Variants in SMIM31 observed in about 807,000 individuals in gnomAD.
SMIM31 encodes small integral membrane protein 31.
At chr4:164,793,152 C>T (rs1299659209) in intron 2 of SMIM31, among the ~76,000 whole-genome samples, 1 of 152,102 alleles carries the variant, frequency 6.6e-6, no homozygotes, top group Non-Finnish European at 1.5e-5. Context: ...TAAGCTGAAG[C>T]TAAATATTGG....
intron 1 of SMIM31, among the ~76,000 whole-genome samples, chr4:164,760,865 T>C (rs1318287320): frequency 2.0e-5 from 3 of 151,300 alleles, no homozygotes; most frequent in African/African-American, 7.3e-5. Context: ...ACTAGAAACA[T>C]GGAGCTACTG....
At chr4:164,766,891 C>T (rs1205143543) in intron 1 of SMIM31, among the ~76,000 whole-genome samples, 1 of 152,040 alleles carries the variant, frequency 6.6e-6, no homozygotes, top group African/African-American at 2.4e-5. Context: ...CAAGAAATGC[C>T]TCTGTGGGGA....
intron 2 of SMIM31, among the ~76,000 whole-genome samples, chr4:164,786,210 T>C (rs1381223403): frequency 6.6e-6 from 1 of 152,364 alleles, no homozygotes; most frequent in Middle Eastern, 3.4e-3. Flanking sequence ...ATGTTTGTTA[T>C]ACTATTTGCT....
intron 2 of SMIM31, among the ~76,000 whole-genome samples, chr4:164,781,257 A>G (rs1320256189): frequency 1.3e-5 from 2 of 152,158 alleles, no homozygotes; most frequent in Non-Finnish European, 2.9e-5. Flanking sequence ...GCAGTTTGGA[A>G]TTTCTTACAA....
chr4:164,783,660 T>C (rs1206404000), intron 2 of SMIM31, among the ~76,000 whole-genome samples: 3 of 152,142 alleles, frequency 2.0e-5, no homozygotes, highest in South Asian at 4.2e-4. Flanking sequence ...ATCATGCCTG[T>C]AATCCCAGCT....
intron 2 of SMIM31, among the ~76,000 whole-genome samples, chr4:164,780,385 C>T (rs1272594685): frequency 1.3e-5 from 2 of 152,220 alleles, no homozygotes; most frequent in African/African-American, 4.8e-5. Context: ...CGAGATTGCG[C>T]CACTGCACTC....
chr4:164,773,453 G>A (rs181501550), intron 2 of SMIM31, among the ~76,000 whole-genome samples: 458 of 152,268 alleles, frequency 3.0e-3, no homozygotes, highest in African/African-American at 0.01. Context: ...ACTTACAATC[G>A]TGGTGGAAGG....
chr4:164,796,785 G>A (rs1733203167), intron 2 of SMIM31, among the ~76,000 whole-genome samples: 2 of 152,078 alleles, frequency 1.3e-5, no homozygotes, highest in Admixed American at 1.3e-4. Context: ...AACTTCCACT[G>A]CCACCACCCT....
chr4:164,761,520 CAA>C (rs1451188280), intron 1 of SMIM31, among the ~76,000 whole-genome samples: 2 of 152,120 alleles, frequency 1.3e-5, no homozygotes, highest in Non-Finnish European at 2.9e-5. Flanking sequence ...TCTGTAGTTG[CAA>C]AGAGTTGGGT....
chr4:164,793,810 G>A (rs1733139476), intron 2 of SMIM31, among the ~76,000 whole-genome samples: 1 of 152,122 alleles, frequency 6.6e-6, no homozygotes, highest in South Asian at 2.1e-4. Context: ...AAGTGGGACA[G>A]AAACATTCAG....
At chr4:164,781,874 AGAT>A (rs1732953726) in intron 2 of SMIM31, among the ~76,000 whole-genome samples, 1 of 152,238 alleles carries the variant, frequency 6.6e-6, no homozygotes, top group African/African-American at 2.4e-5. Context: ...GCCAGGAAGA[AGAT>A]TTGACTACAA....
At position 164,762,443 on chromosome 4, in the gene SMIM31, G is replaced by A. The variant is rs1041805199; in HGVS notation, c.-25-7976G>A. Among the ~76,000 whole-genome samples, 4 of 152,026 alleles carry A rather than the reference G, an allele frequency of 2.6e-5. No homozygotes were observed. In the East Asian group the frequency reaches 7.8e-4, roughly 29 times the overall value. ...GAAAGTATTCAATATCTGGCCAGGC[G>A]TGGTGGCTCACACCTATAATCCCAG... is the stretch of plus-strand genomic sequence containing the variant. On this transcript the variant is annotated intron_variant, in intron 1 of 2. Coordinates refer to ENST00000507311, the MANE Select transcript of SMIM31 (RefSeq NM_001352885.1).
intron 2 of SMIM31, among the ~76,000 whole-genome samples, chr4:164,779,131 A>G (rs1426183368): frequency 6.6e-6 from 1 of 152,212 alleles, no homozygotes; most frequent in Non-Finnish European, 1.5e-5. Flanking sequence ...AGAGAAGTTC[A>G]ACATTCGGGT....
chr4:164,773,261 G>T (rs1332004777), intron 2 of SMIM31, among the ~76,000 whole-genome samples: 2 of 152,104 alleles, frequency 1.3e-5, no homozygotes, highest in Admixed American at 1.3e-4. Context: ...GTCACTCCTG[G>T]ATTCATGTCC....
At chr4:164,785,904 G>A (rs559431249) in intron 2 of SMIM31, among the ~76,000 whole-genome samples, 168 of 152,050 alleles carry the variant, frequency 1.1e-3, no homozygotes, top group African/African-American at 3.8e-3. Context: ...CCAGATCCTC[G>A]GAGCTCCCTA....
At chr4:164,797,499 T>C (rs1429730543) in intron 2 of SMIM31, among the ~76,000 whole-genome samples, 3 of 148,208 alleles carry the variant, frequency 2.0e-5, no homozygotes, top group Non-Finnish European at 4.4e-5. Context: ...AGTCTCACTC[T>C]GTCAGCCAGG....
At chr4:164,797,717 GC>G (rs1553966757) in intron 2 of SMIM31, among the ~76,000 whole-genome samples, 1 of 152,022 alleles carries the variant, frequency 6.6e-6, no homozygotes, top group Non-Finnish European at 1.5e-5. Flanking sequence ...GCCCGCCTAG[GC>G]CCCCAAAGTG....
At chr4:164,791,370 T>C (rs1435565161) in intron 2 of SMIM31, among the ~76,000 whole-genome samples, 2 of 152,202 alleles carry the variant, frequency 1.3e-5, no homozygotes, top group African/African-American at 4.8e-5. Context: ...TCTGGCTCTG[T>C]TGCCTAGGCT....
At chr4:164,793,102 C>T (rs1344378595) in intron 2 of SMIM31, among the ~76,000 whole-genome samples, 1 of 152,098 alleles carries the variant, frequency 6.6e-6, no homozygotes. Flanking sequence ...AGCAAATATA[C>T]ACAGGAACAG....
Sources: gnomAD v4.1 joint callset for allele counts (sites outside exome capture counted in the v4.1 genomes callset) on GRCh38, gnomAD v4.1.1 for gene constraint, MANE v1.5 for transcripts, NCBI Gene and HGNC (gene_info 2026-07-23, HGNC 2026-07-21) for gene names.